The following EXOG variants were observed in gnomAD, a reference collection of about 807,000 sequenced individuals.
EXOG encodes exo/endonuclease G, also known as nuclease EXOG, mitochondrial.
A neutral mutation model predicts 25.8 loss-of-function variants in EXOG; 27 were observed. The ratio of observed to expected loss-of-function variants is 1.05; its 90% CI spans 0.77 to 1.45. The LOEUF (loss-of-function observed/expected upper bound fraction) is 1.45, where lower values mean the gene tolerates loss of function less well. Among genes scored for constraint, EXOG ranks in the 40% most tolerant of loss-of-function variants. EXOG has a pLI of 0.00. For synonymous variants in EXOG, 133 were observed against 167.0 expected (o/e 0.80, Z 1.57); for missense variants, 458 against 450.5 (o/e 1.02, Z -0.15).
chr3:38,508,044 T>A (rs766316174), intron 5 of EXOG, among the ~76,000 whole-genome samples: 1 of 152,056 alleles, frequency 6.6e-6, no homozygotes, highest in Non-Finnish European at 1.5e-5. Flanking sequence ...GGCAGAAGAA[T>A]CGCTTGAACC....
chr3:38,524,132 A>G lies in EXOG; in HGVS notation c.877A>G (p.Ile293Val). Residue 293 changes from isoleucine (I) to valine (V), a missense_variant, in exon 6 of 6, where the codon ATC becomes GTC. Ile to Val is a conservative substitution (Grantham distance 29). Coordinates refer to ENST00000287675, the MANE Select transcript of EXOG (RefSeq NM_005107.4). The stretch of plus-strand genomic sequence containing the variant: ...GGATAGAACTAGTGATATCCGGAAT[A>G]TCTGCTCTGTGGACACCTGTAAGCT... ...HLDRTSDIRN[I>V]CSVDTCKLLD... 6.2e-7 allele frequency: 1 copy of G among 1,614,154 alleles called. No individual in the cohort carries two copies. Among genetic ancestry groups the G allele is most frequent in the Non-Finnish European group, 8.5e-7 (1 of 1,180,000 alleles).
chr3:38,514,298 A>G (rs374367356), intron 5 of EXOG, among the ~76,000 whole-genome samples: 2 of 152,240 alleles, frequency 1.3e-5, no homozygotes, highest in African/African-American at 2.4e-5. Context: ...GGAATTGTCT[A>G]CATGAGAAAT....
chr3:38,520,950 A>T (rs890665330), intron 5 of EXOG, among the ~76,000 whole-genome samples: 4 of 152,224 alleles, frequency 2.6e-5, no homozygotes, highest in African/African-American at 9.6e-5. Context: ...GAAGTCTCCC[A>T]ATTTTTCCAA....
chr3:38,496,482 T>C lies in EXOG; in HGVS notation c.115T>C (p.Phe39Leu), dbSNP rs1392899983. ...AGAGLAALQF[F>L]RSQGAEGALT... The stretch of plus-strand genomic sequence containing the variant: ...AGCTGGGCTCGCGGCCCTGCAGTTC[T>C]TCCGGAGTCAGGGCGCTGAGGGAGC... The change falls in exon 1 of 6, where the codon TTC (phenylalanine) becomes CTC (leucine). Residue 39 changes from phenylalanine (F) to leucine (L), a missense_variant. Physicochemically the swap from Phe to Leu is conservative, Grantham distance 22. Transcript: ENST00000287675. 1 of 1,613,840 alleles carries C rather than the reference T, an allele frequency of 6.2e-7. No homozygotes were observed.
intron 5 of EXOG, among the ~76,000 whole-genome samples, chr3:38,515,119 C>T (rs1483739155): frequency 2.6e-5 from 4 of 152,040 alleles, no homozygotes; most frequent in African/African-American, 9.7e-5. Context: ...AGTATATCCT[C>T]AAATTTTTTC....
chr3:38,525,271 G>A lies in EXOG; in HGVS notation c.*909G>A, dbSNP rs2060843194. On this transcript the variant is annotated 3_prime_UTR_variant, in exon 6 of 6. Coordinates refer to ENST00000287675, the MANE Select transcript of EXOG (RefSeq NM_005107.4). ...CAAAGTAGTCATCCACAAAGTATGA[G>A]GCAGACAGATCTAAGAGAAGAAAGA... 1.0e-6 allele frequency: 1 copy of A among 985,344 alleles called. No individual in the cohort carries two copies. The highest frequency in any genetic ancestry group is 4.7e-5 in the South Asian group (1 of 21,280). The allele number at this position is 985,344 out of a possible 1,614,324, so 61.0% of individuals were successfully genotyped here. A position where few individuals can be genotyped will look rare whatever the true frequency, so the allele number is the denominator to read the frequency against.
chr3:38,496,906 T>G (rs1190695780), intron 1 of EXOG: 2 of 1,164,624 alleles, frequency 1.7e-6, no homozygotes, highest in Non-Finnish European at 1.1e-6. Context: ...ACCAGCACAG[T>G]ACCTGGTACA....
chr3:38,522,538 C>G (rs1326955899), intron 5 of EXOG, among the ~76,000 whole-genome samples: 2 of 152,300 alleles, frequency 1.3e-5, no homozygotes, highest in African/African-American at 4.8e-5. Context: ...GAGTTTCGCT[C>G]TTGTTGCCCA....
intron 2 of EXOG, 188 bp downstream of exon 2, chr3:38,497,966 G>A: frequency 1.6e-6 from 1 of 637,672 alleles, no homozygotes. Context: ...CTTTCCAGCT[G>A]TCTCAGGGCT....
intron 3 of EXOG, among the ~76,000 whole-genome samples, chr3:38,503,408 A>G (rs556976558): frequency 1.3e-5 from 2 of 152,312 alleles, no homozygotes; most frequent in East Asian, 3.9e-4. Flanking sequence ...CTACCTGACT[A>G]CTTACTTTAT....
intron 5 of EXOG, among the ~76,000 whole-genome samples, chr3:38,514,085 G>A (rs1575652822): frequency 2.6e-5 from 4 of 152,346 alleles, no homozygotes; most frequent in South Asian, 2.1e-4. Context: ...CTAGAGCAGC[G>A]TAAGCATGAG....
intron 5 of EXOG, among the ~76,000 whole-genome samples, chr3:38,507,186 C>T (rs973177187): frequency 4.6e-5 from 7 of 152,266 alleles, no homozygotes; most frequent in Non-Finnish European, 8.8e-5. Flanking sequence ...AAGGAACTCA[C>T]GGTTTAGAGT....
Position 38,524,209 on chromosome 3 carries a change from A to G in EXOG, c.954A>G (p.Gly318=). Residue 318 remains glycine, a synonymous_variant, in exon 6 of 6, where the codon GGA becomes GGG. Coordinates refer to ENST00000287675, the MANE Select transcript of EXOG (RefSeq NM_005107.4). The part of the protein sequence containing the change: ...TLYLSTRKIE[G]ARSVLRLEKI... ...ACTTGAGTACAAGAAAGATTGAAGG[A>G]GCCCGATCAGTGCTCAGACTGGAAA... The G allele has an allele frequency of 6.2e-7, 1 of 1,614,202 alleles. No homozygotes were observed. The highest frequency in any genetic ancestry group is 8.5e-7 in the Non-Finnish European group (1 of 1,180,022).
At chr3:38,507,217 T>C (rs1411755903) in intron 5 of EXOG, among the ~76,000 whole-genome samples, 1 of 152,242 alleles carries the variant, frequency 6.6e-6, no homozygotes, top group African/African-American at 2.4e-5. Context: ...TGTTAACAAT[T>C]AATTACATTA....
intron 2 of EXOG, chr3:38,500,017 T>C: frequency 5.3e-6 from 1 of 190,226 alleles, no homozygotes. Context: ...CCTTCCTGTG[T>C]TACCCTGGAA....
rs1013902282 is a variant in EXOG, at chr3:38,508,714, C to G, written c.645+1746C>G. ...CTGAGGAACAGATTGAGGAACCACCCCCCCCCCAAAAAAAAACCAAAACTT... is the reference window on the plus strand; with the variant it reads ...CTGAGGAACAGATTGAGGAACCACCGCCCCCCCAAAAAAAAACCAAAACTT... On this transcript the variant is annotated intron_variant, in intron 5 of 5. Coordinates refer to ENST00000287675, the MANE Select transcript of EXOG (RefSeq NM_005107.4). Among the ~76,000 whole-genome samples, 36 of 147,596 alleles carry G rather than the reference C, an allele frequency of 2.4e-4. 1 individual carries two copies. Among genetic ancestry groups the G allele is most frequent in the Non-Finnish European group, 3.4e-4 (23 of 67,070 alleles).
chr3:38,499,769 T>G lies in EXOG; in HGVS notation c.314-1586T>G, dbSNP rs1057302562. The G allele has an allele frequency of 2.9e-5, 12 of 408,654 alleles. 1 individual carries two copies. The highest frequency in any genetic ancestry group is 2.5e-4 in the African/African-American group (12 of 47,176). 25.3% of individuals were successfully genotyped at this position (408,654 alleles called of 1,614,324 possible). ...ACAGGTATGTGCCACTATGCCCAAC[T>G]AAAAGTATATCTTTTAAAAAATGGC... is the stretch of plus-strand genomic sequence containing the variant. On this transcript the variant is annotated intron_variant, in intron 2 of 5. Coordinates refer to ENST00000287675, the MANE Select transcript of EXOG (RefSeq NM_005107.4).
intron 5 of EXOG, among the ~76,000 whole-genome samples, chr3:38,518,656 G>A (rs1161369702): frequency 6.6e-6 from 1 of 152,130 alleles, no homozygotes; most frequent in Non-Finnish European, 1.5e-5. Flanking sequence ...TTAGTTTTCT[G>A]TCCAGGCAAT....
In EXOG at chr3:38,525,964, A is replaced by T; in HGVS notation, c.*1602A>T. ...GTCTCAAAAAAAGAAAAGAAAAAAG[A>T]AAAAGGTCTGCCCACAAAATCACTA... is the stretch of plus-strand genomic sequence containing the variant. On this transcript the variant is annotated 3_prime_UTR_variant, in exon 6 of 6. Transcript: ENST00000287675. 2 of 984,664 alleles carry T rather than the reference A, an allele frequency of 2.0e-6. No individual in the cohort carries two copies. The highest frequency in any genetic ancestry group is 2.4e-6 in the Non-Finnish European group (2 of 829,278). The allele number at this position is 984,664 out of a possible 1,614,324, so 61.0% of individuals were successfully genotyped here. A position where few individuals can be genotyped will look rare whatever the true frequency, so the allele number is the denominator to read the frequency against.
Sources: gnomAD v4.1 joint callset for allele counts (sites outside exome capture counted in the v4.1 genomes callset) on GRCh38, gnomAD v4.1.1 for gene constraint, MANE v1.5 for transcripts, NCBI Gene and HGNC (gene_info 2026-07-23, HGNC 2026-07-21) for gene names.